The following PRDM5 variants were observed in gnomAD, a reference collection of about 807,000 sequenced individuals.
PRDM5 encodes the protein PR/SET domain 5.
PRDM5 carries 56 observed loss-of-function variants against 81.2 expected under a neutral mutation model. That is an observed-to-expected ratio of 0.69 (90% confidence interval 0.56 to 0.86). The LOEUF (loss-of-function observed/expected upper bound fraction) is 0.86. Ranked by LOEUF, PRDM5 falls within the 40% of genes least tolerant of loss-of-function variation. The pLI, the probability that PRDM5 is intolerant of heterozygous loss-of-function variation, is 0.00. For missense variants in PRDM5, 697 were observed against 770.1 expected (o/e 0.91, Z 1.12); for synonymous variants, 267 against 256.4 (o/e 1.04, Z -0.39).
chr4:120,888,086 C>G lies in PRDM5; in HGVS notation c.177+19388G>C, dbSNP rs1219785652. The stretch of plus-strand genomic sequence containing the variant: ...GGATTACAGGCGTGAGCCACCGCGC[C>G]CGGCCGACATTTTATCCTATTGTTG... On this transcript the variant is annotated intron_variant, in intron 2 of 15. Coordinates refer to ENST00000264808, the MANE Select transcript of PRDM5 (RefSeq NM_018699.4). 5.4e-5 allele frequency among the ~76,000 whole-genome samples: 3 copies of G among 55,766 alleles called. 1 individual carries two copies. In the African/African-American group the frequency reaches 5.6e-4, roughly 10 times the overall value. 36.6% of individuals were successfully genotyped at this position (55,766 alleles called of 152,430 possible). A position where few individuals can be genotyped will look rare whatever the true frequency, so the allele number is the denominator to read the frequency against.
At chr4:120,747,882 G>C (rs1246500160) in intron 14 of PRDM5, among the ~76,000 whole-genome samples, 1 of 152,154 alleles carries the variant, frequency 6.6e-6, no homozygotes, top group Non-Finnish European at 1.5e-5. Flanking sequence ...TGTTCAAAAG[G>C]CAGAGTTTCT....
At chr4:120,766,001 C>T (rs559412439) in intron 13 of PRDM5, among the ~76,000 whole-genome samples, 1 of 151,408 alleles carries the variant, frequency 6.6e-6, no homozygotes, top group East Asian at 1.9e-4. Flanking sequence ...ACTCTATCGC[C>T]CAGGCTGGAG....
intron 13 of PRDM5, among the ~76,000 whole-genome samples, chr4:120,757,825 TTC>T (rs368711288): frequency 2.0e-5 from 3 of 151,820 alleles, no homozygotes; most frequent in Non-Finnish European, 4.4e-5. Context: ...AATTAATTAA[TTC>T]TCTCTCTTTC....
At chr4:120,711,011 G>GT (rs753509420) in intron 14 of PRDM5, among the ~76,000 whole-genome samples, 3 of 152,206 alleles carry the variant, frequency 2.0e-5, no homozygotes, top group Admixed American at 2.0e-4. Context: ...ACATTGGATT[G>GT]TGCTACATTT....
At chr4:120,779,787 C>G (rs1330860202) in intron 12 of PRDM5, among the ~76,000 whole-genome samples, 2 of 152,028 alleles carry the variant, frequency 1.3e-5, no homozygotes, top group African/African-American at 4.8e-5. Context: ...CCTATAATCC[C>G]AGCTACTTGG....
chr4:120,895,120 A>G (rs996163323), intron 2 of PRDM5, among the ~76,000 whole-genome samples: 99 of 152,362 alleles, frequency 6.5e-4, no homozygotes, highest in African/African-American at 2.3e-3. Context: ...TCCTTTAGAG[A>G]AAGTAAAATC....
Position 120,695,175 on chromosome 4 carries a change from T to A in PRDM5, c.1829A>T (p.Lys610Met). The change falls in exon 16 of 16, where the codon AAG (lysine) becomes ATG (methionine). Residue 610 changes from lysine (K) to methionine (M), a missense_variant. Around this residue, in one of 3 missense-constraint regions of PRDM5, gnomAD observed 34 missense variants for 28.1 expected, o/e 1.21. Transcript: ENST00000264808. ...PLAECQFCHK[K>M]FTRNDYLKVH... ...TTTGAGGTAGTCATTCCTTGTAAACTTCTTATGGCAAAACTGGCATTCTGC... is the reference window on the plus strand; with the variant it reads ...TTTGAGGTAGTCATTCCTTGTAAACATCTTATGGCAAAACTGGCATTCTGC... 1.2e-6 allele frequency: 2 copies of A among 1,613,646 alleles called. No individual in the cohort carries two copies. Among genetic ancestry groups the A allele is most frequent in the Non-Finnish European group, 8.5e-7 (1 of 1,179,646 alleles).
chr4:120,808,903 G>C (rs1753414344), intron 8 of PRDM5, among the ~76,000 whole-genome samples: 2 of 152,174 alleles, frequency 1.3e-5, no homozygotes, highest in African/African-American at 4.8e-5. Flanking sequence ...ACTCACGCTG[G>C]CCCGCAAGCG....
At chr4:120,739,691 A>G (rs959872779) in intron 14 of PRDM5, among the ~76,000 whole-genome samples, 1 of 151,348 alleles carries the variant, frequency 6.6e-6, no homozygotes, top group Admixed American at 6.6e-5. Flanking sequence ...TTCACCTTTT[A>G]CTCTCAAAGC....
chr4:120,769,367 T>A (rs889458019), intron 13 of PRDM5, among the ~76,000 whole-genome samples: 1 of 152,112 alleles, frequency 6.6e-6, no homozygotes, highest in African/African-American at 2.4e-5. Flanking sequence ...ATGGATATGC[T>A]GACCTAACAA....
chr4:120,769,258 T>C (rs1192665046), intron 13 of PRDM5, among the ~76,000 whole-genome samples: 3 of 152,196 alleles, frequency 2.0e-5, no homozygotes, highest in Non-Finnish European at 2.9e-5. Flanking sequence ...GTATCAGTTA[T>C]GGGCATGGCC....
At chr4:120,893,639 G>A (rs1764304567) in intron 2 of PRDM5, among the ~76,000 whole-genome samples, 1 of 152,126 alleles carries the variant, frequency 6.6e-6, no homozygotes, top group Admixed American at 6.5e-5. Flanking sequence ...GTCCTTTCCA[G>A]GTTATTTGTT....
At chr4:120,713,088 C>T in intron 14 of PRDM5, among the ~76,000 whole-genome samples, 1 of 152,156 alleles carries the variant, frequency 6.6e-6, no homozygotes, top group Middle Eastern at 3.2e-3. Context: ...GTGATTCTAT[C>T]ACTTTATTTT....
intron 1 of PRDM5, among the ~76,000 whole-genome samples, chr4:120,909,729 G>A (rs1220108949): frequency 6.6e-6 from 1 of 151,950 alleles, no homozygotes; most frequent in Non-Finnish European, 1.5e-5. Context: ...GGGTGCGGGG[G>A]AAGCCTGCTT....
chr4:120,722,227 C>T (rs762166147), intron 14 of PRDM5, among the ~76,000 whole-genome samples: 13 of 152,160 alleles, frequency 8.5e-5, no homozygotes, highest in Non-Finnish European at 1.5e-5. Context: ...CACCCACTCC[C>T]TCGAACCTCA....
At chr4:120,867,646 T>C (rs1367342550) in intron 2 of PRDM5, among the ~76,000 whole-genome samples, 2 of 152,232 alleles carry the variant, frequency 1.3e-5, no homozygotes, top group Non-Finnish European at 1.5e-5. Context: ...GGAAAACTGA[T>C]GCTCAAAAGG....
chr4:120,891,826 C>T (rs1210245036), intron 2 of PRDM5, among the ~76,000 whole-genome samples: 1 of 152,122 alleles, frequency 6.6e-6, no homozygotes, highest in Non-Finnish European at 1.5e-5. Context: ...CACAGGGTTT[C>T]GTTATGTTGG....
intron 8 of PRDM5, among the ~76,000 whole-genome samples, chr4:120,805,009 T>A (rs930180649): frequency 1.3e-5 from 2 of 152,042 alleles, no homozygotes; most frequent in Non-Finnish European, 2.9e-5. Context: ...TCAAAAATGA[T>A]AAAGGGGATA....
At chr4:120,730,426 T>G (rs116790348) in intron 14 of PRDM5, among the ~76,000 whole-genome samples, 5,448 of 152,240 alleles carry the variant, frequency 0.036, 125 homozygotes, top group African/African-American at 0.061. Context: ...ATAAAATTAT[T>G]TAGGAATCTC....
Sources: allele counts gnomAD v4.1 joint callset (sites outside exome capture counted in the v4.1 genomes callset), GRCh38; gene constraint gnomAD v4.1.1; regional missense constraint gnomAD v4.1.1; transcripts MANE v1.5; gene names NCBI Gene and HGNC (gene_info 2026-07-23, HGNC 2026-07-21).